The following CNTNAP3B variants were observed in gnomAD, a reference collection of about 807,000 sequenced individuals.
CNTNAP3B encodes the protein contactin-associated protein-like 3B.
In CNTNAP3B, 25 loss-of-function variants were observed where a neutral mutation model predicts 108.9. The observed-to-expected ratio is 0.23, with a 90% CI of 0.17 to 0.32. The LOEUF (loss-of-function observed/expected upper bound fraction) is 0.32. CNTNAP3B is among the 10% of genes least tolerant of loss of function. The pLI, the probability that CNTNAP3B is intolerant of heterozygous loss-of-function variation, is 1.00. For synonymous variants in CNTNAP3B, 103 were observed against 473.4 expected (o/e 0.22, Z 10.16); for missense variants, 252 against 1,210.4 (o/e 0.21, Z 11.75).
intron 13 of CNTNAP3B, among the ~76,000 whole-genome samples, chr9:41,943,476 C>G (rs1166277901): frequency 5.3e-5 from 8 of 151,796 alleles, no homozygotes; most frequent in Non-Finnish European, 1.2e-4. Context: ...CCTCAGCCTC[C>G]CGAGTAGCTG....
intron 10 of CNTNAP3B, among the ~76,000 whole-genome samples, chr9:41,969,625 G>T (rs1251314609): frequency 3.9e-5 from 6 of 152,168 alleles, no homozygotes; most frequent in Non-Finnish European, 7.3e-5. Flanking sequence ...TGCAGTTTTT[G>T]TTTTTGTTTT....
At chr9:41,915,955 T>C (rs1286748335) in intron 18 of CNTNAP3B, among the ~76,000 whole-genome samples, 3 of 151,630 alleles carry the variant, frequency 2.0e-5, no homozygotes, top group African/African-American at 4.8e-5. Flanking sequence ...AGGTTTACAC[T>C]AACTTAATAC....
In CNTNAP3B at chr9:42,077,084, A is replaced by T. The variant is rs777570151; in HGVS notation, c.197-22T>A. On this transcript the variant is annotated intron_variant, in intron 2 of 23. Coordinates refer to ENST00000377561, the MANE Select transcript of CNTNAP3B (RefSeq NM_001201380.3). Reference sequence around the variant, plus strand: ...GCTCCTTTTTTGAAACAGAAAAAGTATAAAAATGGTAGAGGAGGAAGTTAT... The same window carrying T: ...GCTCCTTTTTTGAAACAGAAAAAGTTTAAAAATGGTAGAGGAGGAAGTTAT... 9 of 1,538,552 alleles carry T rather than the reference A, an allele frequency of 5.8e-6. 1 individual carries two copies. Among genetic ancestry groups the T allele is most frequent in the Non-Finnish European group, 7.9e-6 (9 of 1,138,118 alleles).
At chr9:41,956,129 G>A (rs1282874691) in intron 12 of CNTNAP3B, among the ~76,000 whole-genome samples, 6 of 152,376 alleles carry the variant, frequency 3.9e-5, no homozygotes, top group South Asian at 2.1e-4. Flanking sequence ...GCTCACGCCT[G>A]TAATCCCAGC....
At chr9:41,942,438 G>A (rs1225976020) in intron 13 of CNTNAP3B, among the ~76,000 whole-genome samples, 2 of 151,884 alleles carry the variant, frequency 1.3e-5, no homozygotes, top group African/African-American at 2.4e-5. Flanking sequence ...GTGAAACCCC[G>A]TATCTACTAA....
At chr9:41,934,889 T>C (rs1824107974) in intron 14 of CNTNAP3B, among the ~76,000 whole-genome samples, 2 of 152,416 alleles carry the variant, frequency 1.3e-5, no homozygotes, top group South Asian at 4.1e-4. Flanking sequence ...ATGCTTTTTA[T>C]TTGTGGTTAC....
chr9:41,984,059 A>G (rs1000123757), intron 9 of CNTNAP3B, among the ~76,000 whole-genome samples: 2 of 78,156 alleles, frequency 2.6e-5, no homozygotes, highest in African/African-American at 1.0e-4. Context: ...TCAAAAAATA[A>G]AAATAAATAA....
At chr9:41,968,998 A>G (rs1428415888) in intron 10 of CNTNAP3B, among the ~76,000 whole-genome samples, 90 of 152,334 alleles carry the variant, frequency 5.9e-4, no homozygotes, top group Middle Eastern at 3.4e-3. Flanking sequence ...GGGTTTCACC[A>G]TGTTAGCCAG....
intron 10 of CNTNAP3B, among the ~76,000 whole-genome samples, chr9:41,969,190 T>C (rs1448429794): frequency 6.6e-6 from 1 of 151,864 alleles, no homozygotes; most frequent in South Asian, 2.1e-4. Context: ...GTAGAAATAT[T>C]ATTTTTCCAG....
chr9:42,070,809 A>G (rs1827360576), intron 3 of CNTNAP3B, among the ~76,000 whole-genome samples: 2 of 152,100 alleles, frequency 1.3e-5, no homozygotes, highest in South Asian at 4.1e-4. Flanking sequence ...CCGGAAAATA[A>G]AGATAACAAT....
intron 3 of CNTNAP3B, among the ~76,000 whole-genome samples, chr9:42,056,732 C>G (rs1335510513): frequency 7.7e-6 from 1 of 130,558 alleles, no homozygotes; most frequent in Non-Finnish European, 1.6e-5. Flanking sequence ...TTTTCTTAAT[C>G]TTTATCCATT....
At chr9:42,094,973 G>A (rs533824260) in intron 2 of CNTNAP3B, among the ~76,000 whole-genome samples, 1,567 of 136,660 alleles carry the variant, frequency 0.011, 231 homozygotes, top group African/African-American at 0.037. Flanking sequence ...TAAAATGATC[G>A]AATCAGGCTA....
In CNTNAP3B at chr9:42,063,010, TA is replaced by T. The variant is rs1341641902; in HGVS notation, c.390+13858del. Reference sequence around the variant, plus strand: ...GAATTATTGCAGCTTTAACTATTTTTAATAGTTTGTTTTAACCACTGTAATA... The same window carrying T: ...GAATTATTGCAGCTTTAACTATTTTTATAGTTTGTTTTAACCACTGTAATA... On this transcript the variant is annotated intron_variant, in intron 3 of 23. Coordinates refer to ENST00000377561, the MANE Select transcript of CNTNAP3B (RefSeq NM_001201380.3). Among the ~76,000 whole-genome samples, 6 of 100,564 alleles carry T rather than the reference TA, an allele frequency of 6.0e-5. 2 individuals are homozygous for T. Among genetic ancestry groups the T allele is most frequent in the African/African-American group, 2.2e-4 (6 of 27,014 alleles). The allele number at this position is 100,564 out of a possible 152,430, so 66.0% of individuals were successfully genotyped here.
intron 1 of CNTNAP3B, among the ~76,000 whole-genome samples, chr9:42,108,951 T>C (rs1350353605): frequency 7.2e-6 from 1 of 139,256 alleles, no homozygotes; most frequent in Non-Finnish European, 1.5e-5. Context: ...TGTATACAAA[T>C]CAACATTGCA....
chr9:41,943,901 T>C (rs1437250237), intron 13 of CNTNAP3B, among the ~76,000 whole-genome samples: 1 of 152,230 alleles, frequency 6.6e-6, no homozygotes, highest in African/African-American at 2.4e-5. Flanking sequence ...TTCTTAAAAT[T>C]AAAATAAAAT....
chr9:42,062,202 C>T (rs1827191216), intron 3 of CNTNAP3B, among the ~76,000 whole-genome samples: 1 of 29,140 alleles, frequency 3.4e-5, no homozygotes, highest in Non-Finnish European at 6.6e-5. Flanking sequence ...CCACCATGCC[C>T]AACTAATTTT....
chr9:42,086,077 A>G (rs971530422), intron 2 of CNTNAP3B, among the ~76,000 whole-genome samples: 6 of 140,128 alleles, frequency 4.3e-5, no homozygotes, highest in Non-Finnish European at 9.2e-5. Flanking sequence ...ATGGATTCAC[A>G]TTTCCATGTG....
chr9:41,944,826 A>G (rs1587130892), intron 13 of CNTNAP3B, among the ~76,000 whole-genome samples: 1 of 152,294 alleles, frequency 6.6e-6, no homozygotes, highest in African/African-American at 2.4e-5. Context: ...ATCAGAGTGA[A>G]CAGGCAACCT....
intron 10 of CNTNAP3B, among the ~76,000 whole-genome samples, chr9:41,966,594 A>G (rs1198324111): frequency 6.6e-6 from 1 of 151,346 alleles, no homozygotes; most frequent in African/African-American, 2.4e-5. Context: ...ACAGGACTCC[A>G]CTGGAAGCTC....
Sources: gnomAD v4.1 joint callset for allele counts (sites outside exome capture counted in the v4.1 genomes callset) on GRCh38, gnomAD v4.1.1 for gene constraint, MANE v1.5 for transcripts, NCBI Gene and HGNC (gene_info 2026-07-23, HGNC 2026-07-21) for gene names.